The following CCR3 variants were observed in gnomAD, a reference collection of about 807,000 sequenced individuals.
The protein encoded by CCR3 is C-C chemokine receptor type 3.
For synonymous variants in CCR3, 203 were observed against 179.2 expected, an observed-to-expected ratio of 1.13 and a Z score of -1.06; for missense variants, 419 against 437.5, an observed-to-expected ratio of 0.96 and a Z score of 0.38.
chr3:46,235,041 C>A (rs1381760569), intron 2 of CCR3, among the ~76,000 whole-genome samples: 1 of 152,314 alleles, frequency 6.6e-6, no homozygotes, highest in East Asian at 1.9e-4. Flanking sequence ...GGTGGAGTGG[C>A]TTTTAAATTG....
intron 1 of CCR3, among the ~76,000 whole-genome samples, chr3:46,244,805 G>C (rs1470265890): frequency 2.6e-5 from 4 of 152,162 alleles, no homozygotes; most frequent in Non-Finnish European, 5.9e-5. Context: ...CTTGGCTTGG[G>C]CTCAGAGGCC....
In CCR3 at chr3:46,266,456, G is replaced by A. The variant is rs1700636934; in HGVS notation, c.*230G>A. 2.3e-6 allele frequency: 1 copy of A among 425,598 alleles called. No homozygotes were observed. Among genetic ancestry groups the A allele is most frequent in the Non-Finnish European group, 4.3e-6 (1 of 232,948 alleles). 26.4% of individuals were successfully genotyped at this position (425,598 alleles called of 1,614,324 possible). ...CTCATCATCAACCCTAAAAAGCAGA[G>A]CTTTGCTTCTCTCTCTAAAATGAGT... On this transcript the variant is annotated 3_prime_UTR_variant, in exon 2 of 2. Coordinates refer to ENST00000395940, the MANE Select transcript of CCR3 (RefSeq NM_178329.3).
At chr3:46,216,266 C>A (rs764248650) in intron 2 of CCR3, among the ~76,000 whole-genome samples, 1 of 152,160 alleles carries the variant, frequency 6.6e-6, no homozygotes, top group Non-Finnish European at 1.5e-5. Context: ...ACACGAAACG[C>A]CCCCCAGGTT....
chr3:46,265,216 G>C lies in CCR3; in HGVS notation c.58G>C (p.Val20Leu). 1 of 1,614,034 alleles carries C rather than the reference G, an allele frequency of 6.2e-7. No homozygotes were observed. Among genetic ancestry groups the C allele is most frequent in the Non-Finnish European group, 8.5e-7 (1 of 1,179,958 alleles). ...TGGTACCACATCCTACTATGATGAC[G>C]TGGGCCTGCTCTGTGAAAAAGCTGA... is the stretch of plus-strand genomic sequence containing the variant. Reference protein sequence around the residue: ...TFGTTSYYDDVGLLCEKADTR... With the variant: ...TFGTTSYYDDLGLLCEKADTR... The change falls in exon 2 of 2, where the codon GTG (valine) becomes CTG (leucine). Residue 20 changes from valine (V) to leucine (L), a missense_variant. By Grantham distance (32) the Val-to-Leu change is conservative (BLOSUM62 1). Transcript: ENST00000395940.
At chr3:46,253,370 T>C (rs1700355952) in intron 1 of CCR3, among the ~76,000 whole-genome samples, 1 of 152,168 alleles carries the variant, frequency 6.6e-6, no homozygotes, top group Non-Finnish European at 1.5e-5. Context: ...CACATAATTC[T>C]GATTCTCATC....
At chr3:46,242,963 G>GTATATATACACA (rs1553644061) in intron 1 of CCR3, among the ~76,000 whole-genome samples, 1 of 86,298 alleles carries the variant, frequency 1.2e-5, no homozygotes, top group African/African-American at 4.7e-5. Context: ...ATATATATGT[G>GTATATATACACA]TATATATATA....
intron 1 of CCR3, among the ~76,000 whole-genome samples, chr3:46,248,845 T>C (rs1575501671): frequency 6.6e-6 from 1 of 151,940 alleles, no homozygotes; most frequent in African/African-American, 2.4e-5. Context: ...GATAGGAGGT[T>C]ATATGGGTTT....
chr3:46,252,199 A>G, intron 1 of CCR3, among the ~76,000 whole-genome samples: 1 of 120,300 alleles, frequency 8.3e-6, no homozygotes. Flanking sequence ...TTTTTGAGAC[A>G]GGGTCTTACT....
intron 2 of CCR3, among the ~76,000 whole-genome samples, chr3:46,232,275 G>A (rs13067058): frequency 0.059 from 8,931 of 152,252 alleles, 418 homozygotes; most frequent in South Asian, 0.23. Context: ...TGAAGGTTAC[G>A]TCTGTCCAGA....
chr3:46,248,396 A>G (rs1700240180), intron 1 of CCR3, among the ~76,000 whole-genome samples: 1 of 152,202 alleles, frequency 6.6e-6, no homozygotes, highest in Non-Finnish European at 1.5e-5. Flanking sequence ...CAGCTGCTGC[A>G]TGCAGACATG....
At chr3:46,236,909 G>C (rs909805709) in intron 2 of CCR3, among the ~76,000 whole-genome samples, 1 of 152,216 alleles carries the variant, frequency 6.6e-6, no homozygotes, top group African/African-American at 2.4e-5. Flanking sequence ...AGCTGTAAGG[G>C]GAGACCTGAG....
At chr3:46,264,141 C>A in intron 1 of CCR3, 1 of 429,990 alleles carries the variant, frequency 2.3e-6, no homozygotes, top group Non-Finnish European at 4.2e-6. Context: ...GGCCTTAGGG[C>A]TCCTGGCCTA....
At chr3:46,230,601 G>T (rs762491304) in intron 2 of CCR3, among the ~76,000 whole-genome samples, 3 of 152,092 alleles carry the variant, frequency 2.0e-5, no homozygotes, top group Non-Finnish European at 4.4e-5. Flanking sequence ...CTGGTAAAAA[G>T]AAATGCACTC....
At chr3:46,236,942 C>G (rs777248478) in intron 2 of CCR3, among the ~76,000 whole-genome samples, 6 of 152,206 alleles carry the variant, frequency 3.9e-5, no homozygotes, top group Non-Finnish European at 8.8e-5. Flanking sequence ...GCAGCTGCCT[C>G]TCAGTCAATT....
upstream of CCR3, among the ~76,000 whole-genome samples, chr3:46,239,475 T>G (rs978071233): frequency 6.6e-5 from 10 of 152,288 alleles, no homozygotes; most frequent in African/African-American, 2.4e-4. Flanking sequence ...GATGGTGAAA[T>G]TAGGGCTCAG....
At chr3:46,224,112 A>G (rs1699865813) in intron 2 of CCR3, among the ~76,000 whole-genome samples, 1 of 152,184 alleles carries the variant, frequency 6.6e-6, no homozygotes, top group Admixed American at 6.5e-5. Flanking sequence ...TAGGCAAAAG[A>G]CTTGATTAGA....
intron 1 of CCR3, among the ~76,000 whole-genome samples, chr3:46,254,668 C>T (rs1305217471): frequency 6.6e-6 from 1 of 152,100 alleles, no homozygotes; most frequent in African/African-American, 2.4e-5. Context: ...CCCCAAAGTC[C>T]ATTTTATCTT....
chr3:46,218,796 C>T (rs1032487482), intron 2 of CCR3, among the ~76,000 whole-genome samples: 4 of 151,894 alleles, frequency 2.6e-5, no homozygotes, highest in African/African-American at 4.8e-5. Context: ...TGATTAAAAC[C>T]CTTAGCAAAA....
chr3:46,224,363 G>A (rs34194160), intron 2 of CCR3, among the ~76,000 whole-genome samples: 9,299 of 152,150 alleles, frequency 0.061, 463 homozygotes, highest in South Asian at 0.25. Flanking sequence ...TTGGGAGGCT[G>A]AGGCAGGCAG....
Sources: gnomAD v4.1 joint callset for allele counts (sites outside exome capture counted in the v4.1 genomes callset) on GRCh38, gnomAD v4.1.1 for gene constraint, MANE v1.5 for transcripts, NCBI Gene and HGNC (gene_info 2026-07-23, HGNC 2026-07-21) for gene names.